Variants in SSBP2 observed in about 807,000 individuals in gnomAD.
SSBP2 encodes the protein single-stranded DNA-binding protein 2.
Under a neutral mutation model 61.8 loss-of-function variants are expected in SSBP2, and 17 were observed. The ratio of observed to expected loss-of-function variants is 0.28; its 90% CI spans 0.19 to 0.41. The LOEUF (loss-of-function observed/expected upper bound fraction) is 0.41, where lower values mean the gene tolerates loss of function less well. Ranked by LOEUF, SSBP2 falls within the 10% of genes least tolerant of loss-of-function variation. The probability of loss-of-function intolerance (pLI) is 1.00; values close to 1 mark genes in which losing one functional copy is unlikely to be tolerated. For synonymous variants in SSBP2, 139 were observed against 141.3 expected (o/e 0.98, Z 0.12); for missense variants, 310 against 458.7 (o/e 0.68, Z 2.96).
intron 5 of SSBP2, among the ~76,000 whole-genome samples, chr5:81,504,661 CT>C (rs1284723699): frequency 1.2e-4 from 19 of 152,116 alleles, no homozygotes; most frequent in Non-Finnish European, 2.5e-4. Flanking sequence ...GTTTTCTTTT[CT>C]GTTTCATTTT....
chr5:81,524,082 C>T (rs1175993740), intron 4 of SSBP2, among the ~76,000 whole-genome samples: 1 of 151,940 alleles, frequency 6.6e-6, no homozygotes, highest in Admixed American at 6.6e-5. Flanking sequence ...CTTACTAACA[C>T]CTAGTAAGAT....
chr5:81,734,429 C>T (rs1417190030), intron 1 of SSBP2, among the ~76,000 whole-genome samples: 1 of 152,148 alleles, frequency 6.6e-6, no homozygotes, highest in Non-Finnish European at 1.5e-5. Context: ...ACAACACATA[C>T]ACAATTCTTA....
chr5:81,680,375 A>G (rs1241726946), intron 1 of SSBP2, among the ~76,000 whole-genome samples: 2 of 148,732 alleles, frequency 1.3e-5, no homozygotes, highest in Non-Finnish European at 3.0e-5. Context: ...ATAATTATAT[A>G]TAACATAATC....
chr5:81,420,401 G>C lies in SSBP2; in HGVS notation c.*103C>G, dbSNP rs1033029201. The stretch of plus-strand genomic sequence containing the variant: ...AAAAAGGTTGGTTTGGTGTGACTGA[G>C]ATTCCTTTGTTTAACTGTACACTGT... On this transcript the variant is annotated 3_prime_UTR_variant, in exon 17 of 17. Coordinates refer to ENST00000320672, the MANE Select transcript of SSBP2 (RefSeq NM_012446.5). 5.6e-5 allele frequency: 66 copies of C among 1,173,216 alleles called. No individual in the cohort carries two copies. The highest frequency in any genetic ancestry group is 8.0e-5 in the Non-Finnish European group (63 of 790,170). The allele number at this position is 1,173,216 out of a possible 1,614,324, so 72.7% of individuals were successfully genotyped here.
At chr5:81,469,024 T>A (rs1173987774) in intron 8 of SSBP2, among the ~76,000 whole-genome samples, 1 of 151,948 alleles carries the variant, frequency 6.6e-6, no homozygotes, top group African/African-American at 2.4e-5. Flanking sequence ...AAGTCTCCCC[T>A]CCTTTTTGGT....
At position 81,420,124 on chromosome 5, in the gene SSBP2, TA is replaced by T. The variant is rs1228693523; in HGVS notation, c.*379del. ...TGTAAACGTGAAAAAAAGGATGGAA[TA>T]AAAGTCCCTACTTATTTCTACTTAA... On this transcript the variant is annotated 3_prime_UTR_variant, in exon 17 of 17. Coordinates refer to ENST00000320672, the MANE Select transcript of SSBP2 (RefSeq NM_012446.5). The T allele has an allele frequency of 7.8e-5, 14 of 178,410 alleles. No individual in the cohort carries two copies. In the East Asian group the frequency reaches 1.9e-3, roughly 25 times the overall value. The allele number at this position is 178,410 out of a possible 1,614,324, so 11.1% of individuals were successfully genotyped here.
At chr5:81,615,278 C>T in intron 4 of SSBP2, 195 bp downstream of exon 4, 2 of 581,918 alleles carry the variant, frequency 3.4e-6, no homozygotes, top group Non-Finnish European at 6.1e-6. Flanking sequence ...TACGCTTTAT[C>T]CTAAGCTTTA....
At chr5:81,745,257 C>A (rs1757282457) in intron 1 of SSBP2, among the ~76,000 whole-genome samples, 1 of 152,020 alleles carries the variant, frequency 6.6e-6, no homozygotes, top group African/African-American at 2.4e-5. Context: ...CTTGGTGGAC[C>A]ACCCTTCAGC....
intron 11 of SSBP2, among the ~76,000 whole-genome samples, chr5:81,447,445 T>C (rs372951298): frequency 2.6e-5 from 4 of 152,206 alleles, no homozygotes; most frequent in Non-Finnish European, 4.4e-5. Flanking sequence ...AGAGGCAAAG[T>C]TGACTAATGC....
At chr5:81,435,705 T>C (rs941667239) in intron 15 of SSBP2, among the ~76,000 whole-genome samples, 2 of 152,222 alleles carry the variant, frequency 1.3e-5, no homozygotes, top group Admixed American at 1.3e-4. Flanking sequence ...ATTTTGTTTA[T>C]ATCTATCTTA....
chr5:81,660,185 A>T (rs1365947754), intron 1 of SSBP2, among the ~76,000 whole-genome samples: 1 of 152,170 alleles, frequency 6.6e-6, no homozygotes, highest in African/African-American at 2.4e-5. Context: ...TAATTAAACT[A>T]AAGAGCATCT....
intron 4 of SSBP2, among the ~76,000 whole-genome samples, chr5:81,575,225 G>A (rs1230229852): frequency 4.6e-5 from 7 of 152,154 alleles, no homozygotes; most frequent in African/African-American, 1.2e-4. Context: ...CTGAGATCAC[G>A]CTACTGCACT....
At chr5:81,463,848 A>C (rs1183562806) in intron 9 of SSBP2, among the ~76,000 whole-genome samples, 2 of 147,632 alleles carry the variant, frequency 1.4e-5, no homozygotes, top group Non-Finnish European at 3.0e-5. Flanking sequence ...AGCTCACTAC[A>C]ACCTCCACCT....
At chr5:81,653,131 T>C (rs1749898645) in intron 1 of SSBP2, among the ~76,000 whole-genome samples, 1 of 152,076 alleles carries the variant, frequency 6.6e-6, no homozygotes, top group Non-Finnish European at 1.5e-5. Context: ...CAGTGTGTGA[T>C]GTTCCCCTCC....
intron 15 of SSBP2, among the ~76,000 whole-genome samples, chr5:81,431,352 G>A (rs548553601): frequency 1.3e-5 from 2 of 152,058 alleles, no homozygotes; most frequent in South Asian, 4.1e-4. Flanking sequence ...ATATGGTTAG[G>A]ATTATACTGA....
chr5:81,472,437 G>C (rs917489054), intron 8 of SSBP2, among the ~76,000 whole-genome samples: 1 of 152,024 alleles, frequency 6.6e-6, no homozygotes, highest in African/African-American at 2.4e-5. Context: ...TGTTCAATAA[G>C]ACCCATTTTA....
chr5:81,424,938 C>T (rs1761858859), intron 16 of SSBP2, among the ~76,000 whole-genome samples: 1 of 152,210 alleles, frequency 6.6e-6, no homozygotes, highest in Admixed American at 6.5e-5. Flanking sequence ...GCTGTGATAT[C>T]AGGTTGCCCT....
chr5:81,528,198 T>C (rs946360325), intron 4 of SSBP2, among the ~76,000 whole-genome samples: 2 of 152,080 alleles, frequency 1.3e-5, no homozygotes, highest in Non-Finnish European at 2.9e-5. Context: ...AGAAGCTGGC[T>C]GAACTTAATA....
chr5:81,474,924 C>A (rs1403398128), intron 6 of SSBP2, among the ~76,000 whole-genome samples: 1 of 152,102 alleles, frequency 6.6e-6, no homozygotes, highest in Non-Finnish European at 1.5e-5. Context: ...TGTAAATTCC[C>A]TATTTCTACA....
Sources: allele counts gnomAD v4.1 joint callset (sites outside exome capture counted in the v4.1 genomes callset), GRCh38; gene constraint gnomAD v4.1.1; transcripts MANE v1.5; gene names NCBI Gene and HGNC (gene_info 2026-07-23, HGNC 2026-07-21).